TMPRSS15: variants seen among roughly 807,000 people sequenced by gnomAD.
The protein encoded by TMPRSS15 is enteropeptidase.
Under a neutral mutation model 125.3 loss-of-function variants are expected in TMPRSS15, and 128 were observed. The ratio of observed to expected loss-of-function variants is 1.02; its 90% CI spans 0.89 to 1.18. The LOEUF (loss-of-function observed/expected upper bound fraction) is 1.18, where lower values mean the gene tolerates loss of function less well. Ranked by LOEUF, TMPRSS15 falls within the 50% of genes most tolerant of loss-of-function variation. TMPRSS15 has a pLI of 0.00. For synonymous variants in TMPRSS15, 446 were observed against 423.2 expected, an observed-to-expected ratio of 1.05 and a Z score of -0.66; for missense variants, 1,283 against 1,212.7, an observed-to-expected ratio of 1.06 and a Z score of -0.86.
chr21:18,473,250 AG>A (rs1351427193), intron 1 of TMPRSS15, among the ~76,000 whole-genome samples: 1 of 152,110 alleles, frequency 6.6e-6, no homozygotes, highest in Non-Finnish European at 1.5e-5. Context: ...CATTGGCCAA[AG>A]GGAAAAATAG....
intron 1 of TMPRSS15, among the ~76,000 whole-genome samples, chr21:18,444,849 C>T (rs985267504): frequency 5.9e-5 from 9 of 152,114 alleles, no homozygotes; most frequent in Admixed American, 5.9e-4. Flanking sequence ...CCAGTCTCCC[C>T]CTTACCTCCT....
chr21:18,275,063 G>A, intron 24 of TMPRSS15, 134 bp downstream of exon 24: 3 of 1,229,818 alleles, frequency 2.4e-6, no homozygotes, highest in Non-Finnish European at 3.5e-6. Context: ...ACGCAAATAG[G>A]CAAAAAGTAA....
intron 19 of TMPRSS15, among the ~76,000 whole-genome samples, chr21:18,296,128 G>A (rs533304291): frequency 3.6e-4 from 55 of 152,224 alleles, no homozygotes; most frequent in African/African-American, 1.2e-3. Flanking sequence ...ACTCCAGCCT[G>A]GGCAACAGAG....
chr21:18,381,300 G>A (rs893229747), intron 4 of TMPRSS15, among the ~76,000 whole-genome samples: 2 of 152,076 alleles, frequency 1.3e-5, no homozygotes, highest in African/African-American at 4.8e-5. Context: ...TTTTGTAAAT[G>A]ATACATGGTA....
intron 1 of TMPRSS15, among the ~76,000 whole-genome samples, chr21:18,479,173 C>T (rs759347737): frequency 6.6e-6 from 1 of 151,808 alleles, no homozygotes; most frequent in Non-Finnish European, 1.5e-5. Flanking sequence ...TAAAAAAATG[C>T]TAAGATTTCT....
At chr21:18,380,540 C>T (rs994173244) in intron 4 of TMPRSS15, 16 of 470,540 alleles carry the variant, frequency 3.4e-5, no homozygotes, top group Non-Finnish European at 6.6e-5. Context: ...AAACACTGAC[C>T]TGAAGTTGTT....
At chr21:18,346,405 G>T (rs560430720) in intron 10 of TMPRSS15, among the ~76,000 whole-genome samples, 1 of 152,100 alleles carries the variant, frequency 6.6e-6, no homozygotes, top group African/African-American at 2.4e-5. Context: ...AAGCTTATAC[G>T]CACCTATTAT....
chr21:18,367,551 T>C (rs1294327506), intron 6 of TMPRSS15, among the ~76,000 whole-genome samples: 1 of 152,128 alleles, frequency 6.6e-6, no homozygotes. Context: ...AAATCACAGT[T>C]TGTCGAGAAA....
At chr21:18,388,341 A>G (rs2075963103) in intron 3 of TMPRSS15, among the ~76,000 whole-genome samples, 1 of 152,160 alleles carries the variant, frequency 6.6e-6, no homozygotes, top group South Asian at 2.1e-4. Context: ...ACAGTTTCAT[A>G]TGTGGTGATT....
At chr21:18,481,345 C>T (rs948336818) in intron 1 of TMPRSS15, among the ~76,000 whole-genome samples, 2 of 151,702 alleles carry the variant, frequency 1.3e-5, no homozygotes, top group Non-Finnish European at 2.9e-5. Flanking sequence ...AAGACTCCAA[C>T]CCACAGCATT....
Position 18,394,484 on chromosome 21 carries a change from C to G in TMPRSS15, c.344+3395G>C, listed in dbSNP as rs148697426. On this transcript the variant is annotated intron_variant, in intron 3 of 24. Transcript: ENST00000284885. ...AAATAATGATAATTTTCATTCTAAC[C>G]AAACAGATGTTTAAATCTTCATGTA... 1.3e-3 allele frequency among the ~76,000 whole-genome samples: 190 copies of G among 151,936 alleles called. 1 individual carries two copies. The highest frequency in any genetic ancestry group is 4.2e-3 in the African/African-American group (173 of 41,462).
rs930603403 is a variant in TMPRSS15, at chr21:18,334,334, G to C, written c.1565-2161C>G. ...CTGTTCTTCATGCCTTTCAGGGCCA[G>C]GTTTGTCTAGACCCAGATGAACTTA... On this transcript the variant is annotated intron_variant, in intron 13 of 24. Coordinates refer to ENST00000284885, the MANE Select transcript of TMPRSS15 (RefSeq NM_002772.3). Among the ~76,000 whole-genome samples, 4 of 152,116 alleles carry C rather than the reference G, an allele frequency of 2.6e-5. No individual in the cohort carries two copies. The South Asian group carries it at 6.2e-4, about 24-fold the overall frequency.
At chr21:18,284,687 T>C (rs2074741620) in intron 21 of TMPRSS15, among the ~76,000 whole-genome samples, 1 of 152,096 alleles carries the variant, frequency 6.6e-6, no homozygotes. Flanking sequence ...GAATAGGAAA[T>C]CCCCAATCCG....
chr21:18,437,729 T>G (rs2076231075), intron 1 of TMPRSS15, among the ~76,000 whole-genome samples: 1 of 152,188 alleles, frequency 6.6e-6, no homozygotes, highest in African/African-American at 2.4e-5. Context: ...GAAAAAATGC[T>G]CATCATCACT....
Position 18,294,369 on chromosome 21 carries a change from C to G in TMPRSS15, c.2387G>C (p.Trp796Ser). 1 of 1,614,252 alleles carries G rather than the reference C, an allele frequency of 6.2e-7. No individual in the cohort carries two copies. The highest frequency in any genetic ancestry group is 8.5e-7 in the Non-Finnish European group (1 of 1,180,052). The stretch of plus-strand genomic sequence containing the variant: ...ATAATACAGACCCACAACCCAGGGC[C>G]AGGCCCCTTCTTTGGCATTACTTCC... Reference protein sequence around the residue: ...VGGSNAKEGAWPWVVGLYYGG... With the variant: ...VGGSNAKEGASPWVVGLYYGG... The change falls in exon 21 of 25, where the codon TGG becomes TCG. Residue 796 changes from tryptophan to serine, a missense_variant. Trp to Ser is a radical substitution (Grantham distance 177, BLOSUM62 -3). Transcript: ENST00000284885.
chr21:18,475,901 T>C (rs1000277145), intron 1 of TMPRSS15, among the ~76,000 whole-genome samples: 5 of 152,190 alleles, frequency 3.3e-5, no homozygotes, highest in African/African-American at 1.2e-4. Context: ...TTTTATTTTC[T>C]CACATAAAAT....
intron 21 of TMPRSS15, among the ~76,000 whole-genome samples, chr21:18,288,593 T>G (rs1352075146): frequency 7.7e-6 from 1 of 129,132 alleles, no homozygotes; most frequent in African/African-American, 3.0e-5. Flanking sequence ...CAGGCTGGAG[T>G]GCAGTGGTGC....
chr21:18,383,115 A>G (rs1007805618), intron 4 of TMPRSS15, among the ~76,000 whole-genome samples: 16 of 152,180 alleles, frequency 1.1e-4, no homozygotes, highest in Admixed American at 2.6e-4. Flanking sequence ...GAGTTCCTGA[A>G]GTCAGGGTGT....
At chr21:18,370,698 A>C (rs2075783850) in intron 6 of TMPRSS15, among the ~76,000 whole-genome samples, 1 of 152,118 alleles carries the variant, frequency 6.6e-6, no homozygotes, top group African/African-American at 2.4e-5. Context: ...TAAAGGTCTG[A>C]ATTTTATCCA....
Sources: gnomAD v4.1 joint callset for allele counts (sites outside exome capture counted in the v4.1 genomes callset) on GRCh38, gnomAD v4.1.1 for gene constraint, MANE v1.5 for transcripts, NCBI Gene and HGNC (gene_info 2026-07-23, HGNC 2026-07-21) for gene names.